C5orf22: variants seen among roughly 807,000 people sequenced by gnomAD.
The protein encoded by C5orf22 is UPF0489 protein C5orf22.
A neutral mutation model predicts 48.7 loss-of-function variants in C5orf22; 36 were observed. The observed-to-expected ratio is 0.74, with a 90% CI of 0.57 to 0.98. The LOEUF is 0.98. Ranked by LOEUF, C5orf22 falls within the 50% of genes least tolerant of loss-of-function variation. The pLI is 0.00. For synonymous variants in C5orf22, 141 were observed against 180.8 expected, an observed-to-expected ratio of 0.78 and a Z score of 1.76; for missense variants, 486 against 521.9, an observed-to-expected ratio of 0.93 and a Z score of 0.67.
At position 31,554,322 on chromosome 5, in the gene C5orf22, G is replaced by A. The variant is rs768370640; in HGVS notation, c.*1420G>A. On this transcript the variant is annotated 3_prime_UTR_variant, in exon 9 of 9. Transcript: ENST00000325366. ...AAATTATAGTGTGCTGCCTAACTTT[G>A]TGCTAATAACGAAGGACACACATTA... The A allele has an allele frequency of 5.3e-5, 8 of 152,132 alleles. No homozygotes were observed. Among genetic ancestry groups the A allele is most frequent in the Non-Finnish European group, 1.2e-4 (8 of 68,036 alleles). 9.4% of individuals were successfully genotyped at this position (152,132 alleles called of 1,614,324 possible). A position where few individuals can be genotyped will look rare whatever the true frequency, so the allele number is the denominator to read the frequency against.
At chr5:31,540,899 A>T (rs762259864) in intron 4 of C5orf22, 50 bp from the exon 5 acceptor site, 2 of 1,389,780 alleles carry the variant, frequency 1.4e-6, no homozygotes, top group Non-Finnish European at 1.0e-6. Flanking sequence ...TCATTAAAAA[A>T]TTTTAACTTT....
In C5orf22 at chr5:31,534,405, A is replaced by T. The variant is rs1474773867; in HGVS notation, c.215A>T (p.Glu72Val). ...CCAGCAGACACCGTGTTTGATAAGG[A>T]AACACTCTTTGGGTAATATGTGATT... ...NMPADTVFDK[E>V]TLFGELSIEN... Residue 72 changes from glutamate (E) to valine (V), a missense_variant, in exon 2 of 9, where the codon GAA (glutamate) becomes GTA (valine). Physicochemically the swap from Glu to Val is moderately radical, Grantham distance 121 (BLOSUM62 -2). Around this residue, in one of 3 missense-constraint regions of C5orf22, gnomAD observed 408 missense variants for 444.0 expected, o/e 0.92. Transcript: ENST00000325366. 7 of 1,610,144 alleles carry T rather than the reference A, an allele frequency of 4.3e-6. No individual in the cohort carries two copies. The highest frequency in any genetic ancestry group is 5.9e-6 in the Non-Finnish European group (7 of 1,179,070).
intron 4 of C5orf22, 69 bp from the exon 5 acceptor site, chr5:31,540,880 T>G (rs1303186030): frequency 7.1e-6 from 8 of 1,132,748 alleles, no homozygotes; most frequent in Non-Finnish European, 9.3e-6. Context: ...GTCTCTTCCT[T>G]AAAGCATATC....
chr5:31,532,557 C>A, intron 1 of C5orf22, 84 bp downstream of exon 1: 1 of 1,195,138 alleles, frequency 8.4e-7, no homozygotes, highest in Non-Finnish European at 1.2e-6. Context: ...GCAACCTTAG[C>A]ATCGGAGGCC....
Position 31,551,325 on chromosome 5 carries a change from A to G in C5orf22, c.1092A>G (p.Ser364=). 1.2e-6 allele frequency: 2 copies of G among 1,613,450 alleles called. No individual in the cohort carries two copies. Among genetic ancestry groups the G allele is most frequent in the South Asian group, 1.1e-5 (1 of 90,950 alleles). Residue 364 remains serine, a synonymous_variant, in exon 8 of 9, where the codon TCA becomes TCG. Transcript: ENST00000325366. The part of the protein sequence containing the change: ...VHQAGLTCDY[S]ELPHHISTEQ... ...AGGCTGGTTTAACCTGCGATTATTCAGAACTTCCTCACCATATCAGCACAG... is the reference window on the plus strand; with the variant it reads ...AGGCTGGTTTAACCTGCGATTATTCGGAACTTCCTCACCATATCAGCACAG...
At chr5:31,547,770 G>C (rs1331763378) in intron 7 of C5orf22, among the ~76,000 whole-genome samples, 1 of 152,204 alleles carries the variant, frequency 6.6e-6, no homozygotes. Flanking sequence ...CCCTGCCCAT[G>C]GAACAATTTT....
Position 31,532,412 on chromosome 5 carries a change from G to C in C5orf22, c.20G>C (p.Gly7Ala). ...AAAAACATGAGTGACTCCGCGGGAG[G>C]GCGCGCTGGTCTCCGGCGTTACCCC... MSDSAG[G>A]RAGLRRYPKL... Residue 7 changes from glycine to alanine, a missense_variant, in exon 1 of 9, where the codon GGG (glycine) becomes GCG (alanine). Gly to Ala is a moderately conservative substitution (Grantham distance 60, BLOSUM62 0). Around this residue, in one of 3 missense-constraint regions of C5orf22, gnomAD observed 74 missense variants for 61.2 expected, o/e 1.21. Transcript: ENST00000325366. 1 of 1,613,958 alleles carries C rather than the reference G, an allele frequency of 6.2e-7. No homozygotes were observed.
At position 31,553,109 on chromosome 5, in the gene C5orf22, G is replaced by A. The variant is rs1743386921; in HGVS notation, c.*207G>A. 1 of 401,408 alleles carries A rather than the reference G, an allele frequency of 2.5e-6. No homozygotes were observed. Among genetic ancestry groups the A allele is most frequent in the Non-Finnish European group, 4.5e-6 (1 of 224,288 alleles). The allele number at this position is 401,408 out of a possible 1,614,324, so 24.9% of individuals were successfully genotyped here. On this transcript the variant is annotated 3_prime_UTR_variant, in exon 9 of 9. Transcript: ENST00000325366. ...TCAAGTCTCATAACCCCAACTGATAGAACTGTTGCTTATCTGTCTTCCTTA... is the reference window on the plus strand; with the variant it reads ...TCAAGTCTCATAACCCCAACTGATAAAACTGTTGCTTATCTGTCTTCCTTA...
Position 31,538,307 on chromosome 5 carries a change from C to T in C5orf22, c.425C>T (p.Pro142Leu). The change falls in exon 4 of 9, where the codon CCT becomes CTT. Residue 142 changes from proline to leucine, a missense_variant. Around this residue, in one of 3 missense-constraint regions of C5orf22, gnomAD observed 408 missense variants for 444.0 expected, o/e 0.92. Coordinates refer to ENST00000325366, the MANE Select transcript of C5orf22 (RefSeq NM_018356.3). The stretch of plus-strand genomic sequence containing the variant: ...TTCCTAAGTGATGGTCTGTATGTAC[C>T]TGAAGACCAGCTAGAGAACCAAAAA... The part of the protein sequence containing the change: ...HYFLSDGLYV[P>L]EDQLENQKPL... 1 of 1,613,720 alleles carries T rather than the reference C, an allele frequency of 6.2e-7. No individual in the cohort carries two copies.
chr5:31,540,841 TA>T, intron 4 of C5orf22, 107 bp from the exon 5 acceptor site: 1 of 766,622 alleles, frequency 1.3e-6, no homozygotes, highest in Non-Finnish European at 2.3e-6. Flanking sequence ...AATAATTATC[TA>T]AGATGTTCTT....
In C5orf22 at chr5:31,532,448, T is replaced by C. The variant is rs758958132; in HGVS notation, c.56T>C (p.Val19Ala). ...CTCCGGCGTTACCCCAAGCTCCCAG[T>C]GTGGGTGGTGGAGGATCATCAGGAG... ...AGLRRYPKLP[V>A]WVVEDHQEVL... Residue 19 changes from valine to alanine, a missense_variant, in exon 1 of 9, where the codon GTG becomes GCG. By Grantham distance (64) the Val-to-Ala change is moderately conservative. Coordinates refer to ENST00000325366, the MANE Select transcript of C5orf22 (RefSeq NM_018356.3). 1.2e-6 allele frequency: 2 copies of C among 1,613,432 alleles called. No homozygotes were observed. The highest frequency in any genetic ancestry group is 2.7e-5 in the African/African-American group (2 of 74,762).
At chr5:31,546,528 T>A (rs893016614) in intron 7 of C5orf22, among the ~76,000 whole-genome samples, 1 of 152,230 alleles carries the variant, frequency 6.6e-6, no homozygotes, top group Non-Finnish European at 1.5e-5. Context: ...AAGAGATGTC[T>A]ATTTTCACAC....
chr5:31,543,724 T>C (rs1742615760), intron 6 of C5orf22, among the ~76,000 whole-genome samples: 1 of 152,198 alleles, frequency 6.6e-6, no homozygotes, highest in Non-Finnish European at 1.5e-5. Context: ...ATACCTATTA[T>C]TTTGTTATTT....
At position 31,535,788 on chromosome 5, in the gene C5orf22, G is replaced by A; in HGVS notation, c.272G>A (p.Gly91Asp). ...ENWIMPAVYAGHFSHVIWFHP... is the reference protein window; with the variant it reads ...ENWIMPAVYADHFSHVIWFHP... ...TGGATTATGCCTGCAGTTTATGCTG[G>A]CCATTTTTCACATGTAATATGGTTT... Residue 91 changes from glycine to aspartate, a missense_variant, in exon 3 of 9, where the codon GGC (glycine) becomes GAC (aspartate). Gly to Asp is a moderately conservative substitution (Grantham distance 94). Coordinates refer to ENST00000325366, the MANE Select transcript of C5orf22 (RefSeq NM_018356.3). The A allele has an allele frequency of 6.2e-7, 1 of 1,612,174 alleles. No individual in the cohort carries two copies.
chr5:31,538,708 A>G lies in C5orf22; in HGVS notation c.807+19A>G, dbSNP rs1742267996. 22 of 1,567,330 alleles carry G rather than the reference A, an allele frequency of 1.4e-5. No individual in the cohort carries two copies. Among genetic ancestry groups the G allele is most frequent in the Non-Finnish European group, 1.9e-5 (22 of 1,146,692 alleles). On this transcript the variant is annotated intron_variant, in intron 4 of 8. Transcript: ENST00000325366. ...CACTCAGGTAAATAATTGTGTTTTT[A>G]ACACATAGATCTTGAGAATTGTATG... is the stretch of plus-strand genomic sequence containing the variant.
At position 31,541,719 on chromosome 5, in the gene C5orf22, G is replaced by T. The variant is rs1030030871; in HGVS notation, c.992+317G>T. The stretch of plus-strand genomic sequence containing the variant: ...GCCAAGGAGTTTGAGGCTGTAGTGG[G>T]CTGTGATCATGCCACTGCACTCTAC... On this transcript the variant is annotated intron_variant, in intron 6 of 8. Coordinates refer to ENST00000325366, the MANE Select transcript of C5orf22 (RefSeq NM_018356.3). Among the ~76,000 whole-genome samples, 5 of 152,242 alleles carry T rather than the reference G, an allele frequency of 3.3e-5. No individual in the cohort carries two copies. In the East Asian group the frequency reaches 9.6e-4, roughly 29 times the overall value.
At chr5:31,538,784 A>G in intron 4 of C5orf22, 95 bp downstream of exon 4, 2 of 910,686 alleles carry the variant, frequency 2.2e-6, no homozygotes, top group South Asian at 1.7e-5. Context: ...CCAGCTAGCA[A>G]TTATTTTAGG....
At chr5:31,540,890 C>G in intron 4 of C5orf22, 59 bp from the exon 5 acceptor site, 1 of 1,229,238 alleles carries the variant, frequency 8.1e-7, no homozygotes, top group Middle Eastern at 2.0e-4. Context: ...TAAAGCATAT[C>G]ATTAAAAAAT....
At chr5:31,550,679 C>A (rs985362073) in intron 7 of C5orf22, among the ~76,000 whole-genome samples, 2 of 152,028 alleles carry the variant, frequency 1.3e-5, no homozygotes, top group Non-Finnish European at 2.9e-5. Context: ...GATTCTCCTG[C>A]CTTAGCAGGA....
Sources: allele counts gnomAD v4.1 joint callset (sites outside exome capture counted in the v4.1 genomes callset), GRCh38; gene constraint gnomAD v4.1.1; regional missense constraint gnomAD v4.1.1; transcripts MANE v1.5; gene names NCBI Gene and HGNC (gene_info 2026-07-23, HGNC 2026-07-21).